PCDHA7: variants seen among roughly 807,000 people sequenced by gnomAD.
PCDHA7 encodes the protein protocadherin alpha 7.
PCDHA7 carries 37 observed loss-of-function variants against 57.2 expected under a neutral mutation model. That is an observed-to-expected ratio of 0.65 (90% CI 0.50 to 0.85). PCDHA7 has a LOEUF of 0.85. Among genes scored for constraint, PCDHA7 ranks in the 40% least tolerant of loss-of-function variants. The pLI is 0.00. For missense variants in PCDHA7, 1,188 were observed against 1,241.8 expected, an observed-to-expected ratio of 0.96 and a Z score of 0.65; for synonymous variants, 553 against 558.8, an observed-to-expected ratio of 0.99 and a Z score of 0.15.
chr5:140,869,240 G>A (rs1262436049), intron 1 of PCDHA7: 1 of 1,613,514 alleles, frequency 6.2e-7, no homozygotes, highest in African/African-American at 1.3e-5. Context: ...ACCTTCGTGG[G>A]CCGCATCGCG....
chr5:140,955,036 T>C (rs2095128891), intron 1 of PCDHA7, among the ~76,000 whole-genome samples: 1 of 152,210 alleles, frequency 6.6e-6, no homozygotes, highest in Non-Finnish European at 1.5e-5. Context: ...AGGGAATCTT[T>C]TCCTCATTGC....
chr5:140,836,159 GA>G lies in PCDHA7; in HGVS notation c.1778del (p.Lys593ArgfsTer45). On this transcript the variant is annotated frameshift_variant, in exon 1 of 4. Transcript: ENST00000525929. LOFTEE classifies it high-confidence loss of function. The stretch of plus-strand genomic sequence containing the variant: ...CTGTGGGCGCGGGCCATGTGGTGGC[GA>G]AGGTACGTGCAGTTGACGCTGACTC... ...RSVGAGHVVA[K>X]VRAVDADSGY... is the part of the protein sequence containing the mutation. The G allele has an allele frequency of 6.2e-7, 1 of 1,613,838 alleles. No individual in the cohort carries two copies. Among genetic ancestry groups the G allele is most frequent in the Non-Finnish European group, 8.5e-7 (1 of 1,179,802 alleles).
intron 1 of PCDHA7, chr5:140,841,677 T>A (rs2150320586): frequency 5.6e-6 from 9 of 1,614,014 alleles, no homozygotes; most frequent in Non-Finnish European, 7.6e-6. Flanking sequence ...GTTTTCCATG[T>A]GGACGTGGAG....
At chr5:140,864,945 C>A (rs2048665503) in intron 1 of PCDHA7, 1 of 152,120 alleles carries the variant, frequency 6.6e-6, no homozygotes, top group African/African-American at 2.4e-5. Flanking sequence ...GGCCTGTAAT[C>A]CCAGCATTTT....
chr5:140,928,185 C>T (rs371901224), intron 1 of PCDHA7: 1 of 1,614,064 alleles, frequency 6.2e-7, no homozygotes, highest in Non-Finnish European at 8.5e-7. Flanking sequence ...GAAGGACAAT[C>T]ACTGTGTCAG....
intron 1 of PCDHA7, among the ~76,000 whole-genome samples, chr5:140,838,563 G>A (rs1007641143): frequency 9.9e-5 from 15 of 151,752 alleles, no homozygotes; most frequent in Non-Finnish European, 1.9e-4. Context: ...ATCCAGTACT[G>A]TATTAGGGAC....
At chr5:141,009,118 C>G (rs2098400274) in intron 3 of PCDHA7, among the ~76,000 whole-genome samples, 1 of 152,182 alleles carries the variant, frequency 6.6e-6, no homozygotes, top group Non-Finnish European at 1.5e-5. Flanking sequence ...AAACTAGATT[C>G]TTGGTATCCT....
intron 1 of PCDHA7, chr5:140,861,935 C>T (rs2047149357): frequency 6.5e-6 from 1 of 153,898 alleles, no homozygotes; most frequent in Admixed American, 6.5e-5. Flanking sequence ...TGATGATGCC[C>T]AGTGTTTGAC....
At chr5:140,850,181 G>C in intron 1 of PCDHA7, 1 of 1,593,852 alleles carries the variant, frequency 6.3e-7, no homozygotes, top group South Asian at 1.1e-5. Context: ...ACGACAATGC[G>C]CCGGCGCTGC....
intron 3 of PCDHA7, among the ~76,000 whole-genome samples, chr5:141,005,512 G>C (rs1015892170): frequency 6.6e-6 from 1 of 151,536 alleles, no homozygotes; most frequent in Non-Finnish European, 1.5e-5. Flanking sequence ...GACCATCCTG[G>C]CTAACACGGT....
chr5:140,969,203 G>A (rs781962982), intron 1 of PCDHA7: 2 of 1,614,178 alleles, frequency 1.2e-6, no homozygotes, highest in Non-Finnish European at 8.5e-7. Flanking sequence ...CAATACAGGG[G>A]CCCAGACAGG....
chr5:140,847,454 A>C (rs1187460467), intron 1 of PCDHA7: 1 of 149,898 alleles, frequency 6.7e-6, no homozygotes, highest in Non-Finnish European at 1.5e-5. Flanking sequence ...ATCTAGATTT[A>C]ATTAATCGAC....
At chr5:140,869,630 A>G in intron 1 of PCDHA7, 2 of 1,613,720 alleles carry the variant, frequency 1.2e-6, no homozygotes, top group Non-Finnish European at 8.5e-7. Context: ...AGTAAAAATG[A>G]GTATTTTTCT....
intron 1 of PCDHA7, among the ~76,000 whole-genome samples, chr5:140,907,440 C>T (rs781836409): frequency 4.6e-5 from 7 of 152,222 alleles, no homozygotes; most frequent in Non-Finnish European, 1.0e-4. Flanking sequence ...TGTGAGTCCA[C>T]AGATGGTAAT....
chr5:141,010,063 G>C lies in PCDHA7; in HGVS notation c.*126G>C, dbSNP rs1393265789. ...CTCTTAGAGACCTCAGAAATCTGCA[G>C]AAAGTTCCCTGTGTCTGTCTAGAAC... On this transcript the variant is annotated 3_prime_UTR_variant, in exon 4 of 4. Transcript: ENST00000525929. 31 of 1,602,790 alleles carry C rather than the reference G, an allele frequency of 1.9e-5. No individual in the cohort carries two copies. The highest frequency in any genetic ancestry group is 2.6e-5 in the Non-Finnish European group (31 of 1,174,498).
At chr5:140,875,891 TA>T (rs2055921027) in intron 1 of PCDHA7, 3 of 1,614,128 alleles carry the variant, frequency 1.9e-6, no homozygotes, top group Middle Eastern at 3.3e-4. Flanking sequence ...GAACAAAAGG[TA>T]CCTGTTTCTG....
intron 1 of PCDHA7, among the ~76,000 whole-genome samples, chr5:140,918,467 C>T (rs2078709178): frequency 6.6e-6 from 1 of 152,006 alleles, no homozygotes; most frequent in Non-Finnish European, 1.5e-5. Context: ...TGTCTTATTC[C>T]AAGTCTCAAG....
At chr5:140,896,087 A>T (rs2065366348) in intron 1 of PCDHA7, among the ~76,000 whole-genome samples, 1 of 152,218 alleles carries the variant, frequency 6.6e-6, no homozygotes, top group East Asian at 1.9e-4. Flanking sequence ...CTGGGATTAC[A>T]GGCGTGAGCC....
chr5:140,917,131 G>A (rs572644426), intron 1 of PCDHA7, among the ~76,000 whole-genome samples: 28 of 152,190 alleles, frequency 1.8e-4, no homozygotes, highest in African/African-American at 5.8e-4. Context: ...GACTCCCCAC[G>A]TTGCTCAGCT....
Sources: gnomAD v4.1 joint callset for allele counts (sites outside exome capture counted in the v4.1 genomes callset) on GRCh38, gnomAD v4.1.1 for gene constraint, MANE v1.5 for transcripts, NCBI Gene and HGNC (gene_info 2026-07-23, HGNC 2026-07-21) for gene names.